The following MRAS variants were observed in gnomAD, a reference collection of about 807,000 sequenced individuals.
MRAS encodes the protein muscle RAS oncogene homolog, also known as ras-related protein M-Ras.
MRAS carries 4 observed loss-of-function variants against 20.9 expected under a neutral mutation model. The ratio of observed to expected loss-of-function variants is 0.19; its 90% confidence interval spans 0.09 to 0.44. The LOEUF (loss-of-function observed/expected upper bound fraction) is 0.44. MRAS is among the 20% of genes least tolerant of loss of function. The pLI is 0.99. For missense variants in MRAS, 154 were observed against 277.5 expected, an observed-to-expected ratio of 0.56 and a Z score of 3.16; for synonymous variants, 98 against 102.9, an observed-to-expected ratio of 0.95 and a Z score of 0.29.
intron 2 of MRAS, among the ~76,000 whole-genome samples, chr3:138,381,105 C>T (rs148254683): frequency 6.6e-6 from 1 of 152,344 alleles, no homozygotes; most frequent in Non-Finnish European, 1.5e-5. Flanking sequence ...TGATATTCCA[C>T]TGTATGGATG....
intron 2 of MRAS, among the ~76,000 whole-genome samples, chr3:138,391,024 A>T (rs1210888306): frequency 1.3e-5 from 2 of 152,110 alleles, no homozygotes; most frequent in Admixed American, 1.3e-4. Flanking sequence ...TTTTTCTCTG[A>T]TAAGAATTGC....
At chr3:138,370,191 C>T (rs1306097364) in intron 1 of MRAS, among the ~76,000 whole-genome samples, 3 of 152,098 alleles carry the variant, frequency 2.0e-5, no homozygotes, top group Non-Finnish European at 4.4e-5. Flanking sequence ...TGGTGGTGGG[C>T]GCCTGTAATC....
Position 138,402,386 on chromosome 3 carries a change from G to C in MRAS, c.*117G>C. On this transcript the variant is annotated 3_prime_UTR_variant, in exon 6 of 6. Coordinates refer to ENST00000423968, the MANE Select transcript of MRAS (RefSeq NM_001085049.3). ...ACCCTTGGCCCAAGGACTTGGTACAGGAAGGGAGAAGGGCAGGTGGGCAGG... is the reference window on the plus strand; with the variant it reads ...ACCCTTGGCCCAAGGACTTGGTACACGAAGGGAGAAGGGCAGGTGGGCAGG... The C allele has an allele frequency of 1.1e-6, 1 of 913,608 alleles. No homozygotes were observed. The highest frequency in any genetic ancestry group is 1.7e-6 in the Non-Finnish European group (1 of 596,148). 56.6% of individuals were successfully genotyped at this position (913,608 alleles called of 1,614,324 possible).
rs1335577798 is a variant in MRAS at position 138,404,012 on chromosome 3, ACTT to A, written c.*1747_*1749del. On this transcript the variant is annotated 3_prime_UTR_variant, in exon 6 of 6. Coordinates refer to ENST00000423968, the MANE Select transcript of MRAS (RefSeq NM_001085049.3). ...GAGACTTTTGCTTGTTGGAAATCAA[ACTT>A]CTTATTTGTCTAAATTGCCCCTTTT... is the stretch of plus-strand genomic sequence containing the variant. 2 of 152,192 alleles carry A rather than the reference ACTT, an allele frequency of 1.3e-5. No homozygotes were observed. Among genetic ancestry groups the A allele is most frequent in the South Asian group, 2.1e-4 (1 of 4,832 alleles). 9.4% of individuals were successfully genotyped at this position (152,192 alleles called of 1,614,324 possible). A position where few individuals can be genotyped will look rare whatever the true frequency, so the allele number is the denominator to read the frequency against.
At chr3:138,366,953 G>T (rs2054572238) in intron 1 of MRAS, among the ~76,000 whole-genome samples, 1 of 152,226 alleles carries the variant, frequency 6.6e-6, no homozygotes, top group Non-Finnish European at 1.5e-5. Flanking sequence ...AGAACAATGG[G>T]TGCAGTGGTT....
chr3:138,371,972 T>C (rs767888989), intron 1 of MRAS, among the ~76,000 whole-genome samples: 1 of 152,104 alleles, frequency 6.6e-6, no homozygotes, highest in Non-Finnish European at 1.5e-5. Flanking sequence ...AATTATTCTT[T>C]AGAATCCTGG....
At chr3:138,378,500 C>T (rs773469170) in intron 2 of MRAS, among the ~76,000 whole-genome samples, 2 of 152,206 alleles carry the variant, frequency 1.3e-5, no homozygotes, top group African/African-American at 4.8e-5. Flanking sequence ...CTCGGAGCCT[C>T]TCTTCCTCCC....
intron 2 of MRAS, 23 bp downstream of exon 2, chr3:138,373,099 G>T: frequency 7.0e-7 from 1 of 1,426,802 alleles, no homozygotes; most frequent in Non-Finnish European, 9.2e-7. Context: ...TGGCAGCCCT[G>T]CATTGGGTGG....
intron 2 of MRAS, among the ~76,000 whole-genome samples, chr3:138,374,022 A>G (rs1256516741): frequency 6.6e-6 from 1 of 151,882 alleles, no homozygotes; most frequent in Admixed American, 6.6e-5. Flanking sequence ...GCAGTGGTGC[A>G]GTCTCAGCTC....
chr3:138,348,511 C>G (rs1458473219), upstream of MRAS: 1 of 151,980 alleles, frequency 6.6e-6, no homozygotes, highest in African/African-American at 2.4e-5. Context: ...ACTGGCGCGC[C>G]CGCAGCGGCG....
rs1369148992 is a variant in MRAS at position 138,403,759 on chromosome 3, A to T, written c.*1490A>T. On this transcript the variant is annotated 3_prime_UTR_variant, in exon 6 of 6. Coordinates refer to ENST00000423968, the MANE Select transcript of MRAS (RefSeq NM_001085049.3). ...AAAAGGTCAGAATAAAAGGCAGCAC[A>T]GCTGGTGACCTTATTTTCTAGATGT... The T allele has an allele frequency of 6.5e-6, 1 of 152,678 alleles. No individual in the cohort carries two copies. Among genetic ancestry groups the T allele is most frequent in the Non-Finnish European group, 1.5e-5 (1 of 68,056 alleles). The allele number at this position is 152,678 out of a possible 1,614,324, so 9.5% of individuals were successfully genotyped here.
chr3:138,402,945 A>G lies in MRAS; in HGVS notation c.*676A>G, dbSNP rs1412110638. 1 of 152,620 alleles carries G rather than the reference A, an allele frequency of 6.6e-6. No individual in the cohort carries two copies. The highest frequency in any genetic ancestry group is 2.4e-5 in the African/African-American group (1 of 41,444). The allele number at this position is 152,620 out of a possible 1,614,324, so 9.5% of individuals were successfully genotyped here. A position where few individuals can be genotyped will look rare whatever the true frequency, so the allele number is the denominator to read the frequency against. On this transcript the variant is annotated 3_prime_UTR_variant, in exon 6 of 6. Transcript: ENST00000423968. ...GCCATGGGTCAAACCTGGGAGGGAA[A>G]GAGACCCTACACATGGCCTAGAAAT...
intron 2 of MRAS, among the ~76,000 whole-genome samples, chr3:138,382,371 A>G (rs1423337704): frequency 6.6e-6 from 1 of 152,200 alleles, no homozygotes; most frequent in Non-Finnish European, 1.5e-5. Flanking sequence ...TGAAGGCCTC[A>G]TGCTAAGGGC....
At chr3:138,384,366 G>A (rs1435859877) in intron 2 of MRAS, among the ~76,000 whole-genome samples, 1 of 152,176 alleles carries the variant, frequency 6.6e-6, no homozygotes, top group Admixed American at 6.5e-5. Flanking sequence ...CTGATGATGG[G>A]CTTGGGCATT....
At chr3:138,354,060 G>T (rs771330662) in intron 1 of MRAS, among the ~76,000 whole-genome samples, 2 of 152,182 alleles carry the variant, frequency 1.3e-5, no homozygotes, top group Admixed American at 6.5e-5. Context: ...GTGGGCAAAG[G>T]CCTCATGAGG....
chr3:138,376,827 A>G (rs1463396988), intron 2 of MRAS, among the ~76,000 whole-genome samples: 1 of 152,238 alleles, frequency 6.6e-6, no homozygotes, highest in Non-Finnish European at 1.5e-5. Context: ...AGCTTCCCAC[A>G]GGGGTCATTT....
At chr3:138,389,437 G>A (rs982815718) in intron 2 of MRAS, among the ~76,000 whole-genome samples, 2 of 150,872 alleles carry the variant, frequency 1.3e-5, no homozygotes, top group East Asian at 2.0e-4. Flanking sequence ...GAGGCTGGGC[G>A]CTCTTGTGAG....
intron 4 of MRAS, among the ~76,000 whole-genome samples, chr3:138,399,558 C>G (rs1373113774): frequency 1.3e-5 from 2 of 151,992 alleles, no homozygotes; most frequent in Admixed American, 6.5e-5. Flanking sequence ...CCATGCATTT[C>G]AAGTGTTGAT....
At chr3:138,373,923 T>C (rs1013324769) in intron 2 of MRAS, among the ~76,000 whole-genome samples, 5 of 150,280 alleles carry the variant, frequency 3.3e-5, no homozygotes, top group Admixed American at 6.6e-5. Context: ...GGGTCTTCTT[T>C]CTCTTGTCAG....
Sources: gnomAD v4.1 joint callset for allele counts (sites outside exome capture counted in the v4.1 genomes callset) on GRCh38, gnomAD v4.1.1 for gene constraint, MANE v1.5 for transcripts, NCBI Gene and HGNC (gene_info 2026-07-23, HGNC 2026-07-21) for gene names.